Variants in PRLR observed in about 807,000 individuals in gnomAD.
The protein encoded by PRLR is prolactin receptor.
Under a neutral mutation model 40.2 loss-of-function variants are expected in PRLR, and 13 were observed. That is an observed-to-expected ratio of 0.32 (90% CI 0.21 to 0.51). The LOEUF is 0.51. Among genes scored for constraint, PRLR ranks in the 20% least tolerant of loss-of-function variants. PRLR has a pLI of 0.97. For synonymous variants in PRLR, 269 were observed against 278.7 expected (o/e 0.97, Z 0.35); for missense variants, 656 against 747.3 (o/e 0.88, Z 1.42).
At chr5:35,147,513 G>C (rs1224579430) in intron 1 of PRLR, among the ~76,000 whole-genome samples, 1 of 152,192 alleles carries the variant, frequency 6.6e-6, no homozygotes, top group Non-Finnish European at 1.5e-5. Flanking sequence ...TTGCAGGACA[G>C]AGCTTAACTG....
chr5:35,202,497 C>T (rs552205136), intron 1 of PRLR, among the ~76,000 whole-genome samples: 1 of 152,254 alleles, frequency 6.6e-6, no homozygotes, highest in Admixed American at 6.5e-5. Context: ...TCAGAATCCC[C>T]TCCCTACTCT....
chr5:35,051,226 C>T (rs1030692189), downstream of PRLR, among the ~76,000 whole-genome samples: 7 of 152,178 alleles, frequency 4.6e-5, no homozygotes, highest in Non-Finnish European at 5.9e-5. Context: ...AGAGCACATC[C>T]GTACTGCTAA....
At chr5:35,223,780 A>G (rs968290523) in intron 1 of PRLR, among the ~76,000 whole-genome samples, 11 of 152,234 alleles carry the variant, frequency 7.2e-5, no homozygotes, top group African/African-American at 2.7e-4. Flanking sequence ...ACTAGGAACT[A>G]TGCTCCTCCA....
chr5:35,190,543 T>G (rs989839235), intron 1 of PRLR, among the ~76,000 whole-genome samples: 1 of 151,932 alleles, frequency 6.6e-6, no homozygotes, highest in Non-Finnish European at 1.5e-5. Context: ...AGATGGAGGT[T>G]GCAGTGAGCC....
intron 1 of PRLR, among the ~76,000 whole-genome samples, chr5:35,208,948 CAG>C (rs1190208171): frequency 6.6e-6 from 1 of 151,968 alleles, no homozygotes; most frequent in Non-Finnish European, 1.5e-5. Flanking sequence ...TTAGCAAAAT[CAG>C]TACATCCATA....
chr5:35,090,203 A>C (rs995241646), intron 2 of PRLR, among the ~76,000 whole-genome samples: 2 of 152,162 alleles, frequency 1.3e-5, no homozygotes, highest in Non-Finnish European at 2.9e-5. Flanking sequence ...CATTACCGCA[A>C]AGCGAACCAC....
chr5:35,055,932 G>A lies in PRLR; in HGVS notation c.*9157C>T, dbSNP rs934461322. The A allele has an allele frequency of 6.6e-6, 1 of 152,088 alleles. No homozygotes were observed. Among genetic ancestry groups the A allele is most frequent in the African/African-American group, 2.4e-5 (1 of 41,422 alleles). The allele number at this position is 152,088 out of a possible 1,614,324, so 9.4% of individuals were successfully genotyped here. ...GTGTCACCTTAAAAATGTACCAGTG[G>A]CATTTACAAATTCCTTCAAACTCAT... On this transcript the variant is annotated 3_prime_UTR_variant, in exon 10 of 10. Coordinates refer to ENST00000618457, the MANE Select transcript of PRLR (RefSeq NM_000949.7).
At position 35,206,943 on chromosome 5, in the gene PRLR, G is replaced by A. The variant is rs558185882; in HGVS notation, c.-106+23325C>T. 2.1e-4 allele frequency among the ~76,000 whole-genome samples: 32 copies of A among 152,106 alleles called. No homozygotes were observed. In the South Asian group the frequency reaches 2.3e-3, roughly 11 times the overall value. On this transcript the variant is annotated intron_variant, in intron 1 of 9. Coordinates refer to ENST00000618457, the MANE Select transcript of PRLR (RefSeq NM_000949.7). ...TAGTCAAATACATTTTAGAAATACT[G>A]GGTTAAACTCAGTTGAACTCATCTC...
intron 1 of PRLR, among the ~76,000 whole-genome samples, chr5:35,158,592 T>A (rs1774578648): frequency 6.6e-6 from 1 of 152,076 alleles, no homozygotes. Flanking sequence ...CAATGAAGGG[T>A]GAATATGTGC....
intron 5 of PRLR, 141 bp downstream of exon 5, chr5:35,084,329 T>C (rs1770708046): frequency 2.4e-6 from 2 of 817,968 alleles, no homozygotes; most frequent in East Asian, 5.7e-5. Context: ...TTTGAACTGT[T>C]CTGTTGACAA....
intron 1 of PRLR, among the ~76,000 whole-genome samples, chr5:35,156,840 G>A (rs1318979137): frequency 6.6e-6 from 1 of 152,108 alleles, no homozygotes; most frequent in African/African-American, 2.4e-5. Flanking sequence ...GTGGCCCTAA[G>A]CCCACTTGCA....
intron 5 of PRLR, among the ~76,000 whole-genome samples, chr5:35,079,662 T>C (rs972287713): frequency 1.3e-5 from 2 of 151,776 alleles, no homozygotes; most frequent in Non-Finnish European, 2.9e-5. Context: ...AAGCTACCAA[T>C]GACTTTCTTC....
downstream of PRLR, among the ~76,000 whole-genome samples, chr5:35,052,900 A>G (rs1263151217): frequency 2.0e-5 from 3 of 152,212 alleles, no homozygotes; most frequent in African/African-American, 7.2e-5. Context: ...AACTAAGCAT[A>G]AAAATGGACA....
rs964045931 is a variant in PRLR at position 35,057,583 on chromosome 5, C to A, written c.*7506G>T. 6.6e-6 allele frequency: 1 copy of A among 152,012 alleles called. No individual in the cohort carries two copies. Among genetic ancestry groups the A allele is most frequent in the African/African-American group, 2.4e-5 (1 of 41,392 alleles). The allele number at this position is 152,012 out of a possible 1,614,324, so 9.4% of individuals were successfully genotyped here. A position where few individuals can be genotyped will look rare whatever the true frequency, so the allele number is the denominator to read the frequency against. On this transcript the variant is annotated 3_prime_UTR_variant, in exon 10 of 10. Transcript: ENST00000618457. ...ATGATAATAGCAGTTAGTGTTATCT[C>A]CAATACTATTGACAAAGATTTAACT...
chr5:35,145,764 T>C (rs1031317595), intron 1 of PRLR, among the ~76,000 whole-genome samples: 2 of 150,052 alleles, frequency 1.3e-5, no homozygotes, highest in Non-Finnish European at 2.9e-5. Flanking sequence ...AACTAAGAGC[T>C]TAATATTTCA....
chr5:35,213,462 A>G (rs1776216535), intron 1 of PRLR, among the ~76,000 whole-genome samples: 13 of 152,178 alleles, frequency 8.5e-5, no homozygotes, highest in Admixed American at 7.9e-4. Flanking sequence ...AATACAACTC[A>G]AGATATTTGG....
intron 2 of PRLR, among the ~76,000 whole-genome samples, chr5:35,089,965 AC>A (rs1771099735): frequency 6.6e-6 from 1 of 152,014 alleles, no homozygotes; most frequent in Non-Finnish European, 1.5e-5. Flanking sequence ...TTCTCTTTCC[AC>A]CCCATAGCCA....
intron 1 of PRLR, among the ~76,000 whole-genome samples, chr5:35,209,522 C>G (rs1035875988): frequency 6.6e-6 from 1 of 152,090 alleles, no homozygotes; most frequent in Admixed American, 6.5e-5. Context: ...GGAGGATAAA[C>G]CAACTAGCTT....
rs1304163397 is a variant in PRLR at position 35,118,110 on chromosome 5, G to A, written c.-93C>T. 1.0e-6 allele frequency: 1 copy of A among 985,378 alleles called. No homozygotes were observed. The highest frequency in any genetic ancestry group is 1.7e-5 in the African/African-American group (1 of 57,210). The allele number at this position is 985,378 out of a possible 1,614,324, so 61.0% of individuals were successfully genotyped here. On this transcript the variant is annotated 5_prime_UTR_variant, in exon 2 of 10. Coordinates refer to ENST00000618457, the MANE Select transcript of PRLR (RefSeq NM_000949.7). The stretch of plus-strand genomic sequence containing the variant: ...CCTCAGTGTTCGCCTCCATGAATAG[G>A]AGAGTTCTTTAGCTGAAAGAGGAAA...
Sources: gnomAD v4.1 joint callset for allele counts (sites outside exome capture counted in the v4.1 genomes callset) on GRCh38, gnomAD v4.1.1 for gene constraint, MANE v1.5 for transcripts, NCBI Gene and HGNC (gene_info 2026-07-23, HGNC 2026-07-21) for gene names.